DCP1B: variants seen among roughly 807,000 people sequenced by gnomAD.
DCP1B encodes the protein mRNA-decapping enzyme 1B.
In DCP1B, 47 loss-of-function variants were observed where a neutral mutation model predicts 60.5. That is an observed-to-expected ratio of 0.78 (90% confidence interval 0.61 to 0.99). The LOEUF (loss-of-function observed/expected upper bound fraction) is 0.99. Ranked by LOEUF, DCP1B falls within the 50% of genes least tolerant of loss-of-function variation. DCP1B has a pLI of 0.00. For synonymous variants in DCP1B, 267 were observed against 280.3 expected, an observed-to-expected ratio of 0.95 and a Z score of 0.47; for missense variants, 725 against 756.8, an observed-to-expected ratio of 0.96 and a Z score of 0.49.
At position 1,955,452 on chromosome 12, in the gene DCP1B, G is replaced by C; in HGVS notation, c.631C>G (p.Arg211Gly). 6.2e-7 allele frequency: 1 copy of C among 1,613,566 alleles called. No individual in the cohort carries two copies. The highest frequency in any genetic ancestry group is 8.5e-7 in the Non-Finnish European group (1 of 1,179,622). Residue 211 changes from arginine (R) to glycine (G), a missense_variant, in exon 6 of 9, where the codon CGT becomes GGT. Physicochemically the swap from Arg to Gly is moderately radical, Grantham distance 125. Coordinates refer to ENST00000280665, the MANE Select transcript of DCP1B (RefSeq NM_152640.5). ...PVKPSENQQQ[R>G]IPQPNQTLDP... ...CGTACCTGGTTGGGCTGAGGTATAC[G>C]CTGTTGCTGGTTTTCACTGGGTTTC...
downstream of DCP1B, among the ~76,000 whole-genome samples, chr12:1,944,991 C>T (rs531907301): frequency 3.9e-5 from 6 of 152,268 alleles, no homozygotes; most frequent in African/African-American, 1.4e-4. Flanking sequence ...TCAGAATGAA[C>T]AGGCAACCTA....
At chr12:1,977,465 C>G (rs1395828278) in intron 3 of DCP1B, among the ~76,000 whole-genome samples, 1 of 152,186 alleles carries the variant, frequency 6.6e-6, no homozygotes, top group Admixed American at 6.5e-5. Context: ...GTTCCAGATG[C>G]CACACAAAAT....
intron 1 of DCP1B, among the ~76,000 whole-genome samples, chr12:2,002,847 ACTGT>A (rs1406561911): frequency 3.3e-5 from 5 of 152,174 alleles, no homozygotes; most frequent in African/African-American, 4.8e-5. Context: ...CATGGAGGAA[ACTGT>A]CTATGTTGCT....
intron 7 of DCP1B, among the ~76,000 whole-genome samples, chr12:1,951,117 T>G (rs1396658685): frequency 6.6e-6 from 1 of 151,736 alleles, no homozygotes; most frequent in Non-Finnish European, 1.5e-5. Flanking sequence ...ACTAAAAAAA[T>G]ACAAAAAATT....
chr12:1,971,908 A>G lies in DCP1B; in HGVS notation c.320-3998T>C, dbSNP rs139386324. On this transcript the variant is annotated intron_variant, in intron 3 of 8. Coordinates refer to ENST00000280665, the MANE Select transcript of DCP1B (RefSeq NM_152640.5). The surrounding 1 kb of genome is among the most constrained non-coding windows in gnomAD (Gnocchi z 4.2). The stretch of plus-strand genomic sequence containing the variant: ...CATGAATGATAGCTTGTAATCGTCT[A>G]ATGAGGACATGTGATAATGTTTGTG... Among the ~76,000 whole-genome samples, 43 of 152,374 alleles carry G rather than the reference A, an allele frequency of 2.8e-4. No individual in the cohort carries two copies. The East Asian group carries it at 8.1e-3, about 29-fold the overall frequency.
rs1158651585 is a variant in DCP1B, at chr12:1,952,636, G to C, written c.1304C>G (p.Pro435Arg). 1 of 1,614,182 alleles carries C rather than the reference G, an allele frequency of 6.2e-7. No individual in the cohort carries two copies. Among genetic ancestry groups the C allele is most frequent in the Non-Finnish European group, 8.5e-7 (1 of 1,180,044 alleles). The change falls in exon 7 of 9, where the codon CCC (proline) becomes CGC (arginine). Residue 435 changes from proline to arginine, a missense_variant. Physicochemically the swap from Pro to Arg is moderately radical, Grantham distance 103. Transcript: ENST00000280665. ...GCTGCCAGTCTGACTACCAGAGATG[G>C]GGAGTGTTTGTCTTGGGAGTGTGGA... ...EQSTLPRQTL[P>R]ISGSQTGSSG...
At chr12:1,942,114 A>T (rs952158891), downstream of DCP1B, among the ~76,000 whole-genome samples, 1 of 152,240 alleles carries the variant, frequency 6.6e-6, no homozygotes, top group African/African-American at 2.4e-5. Context: ...GCAAATGGAA[A>T]GAAGAAAAAA....
At chr12:1,990,082 C>T (rs2038964637) in intron 3 of DCP1B, among the ~76,000 whole-genome samples, 1 of 152,166 alleles carries the variant, frequency 6.6e-6, no homozygotes, top group South Asian at 2.1e-4. Flanking sequence ...CCTTGGGTCT[C>T]GAAGTTAAGG....
chr12:1,969,073 G>A (rs186639076), intron 3 of DCP1B, among the ~76,000 whole-genome samples: 32 of 152,206 alleles, frequency 2.1e-4, no homozygotes, highest in African/African-American at 7.2e-4. Context: ...GCAATATTAC[G>A]ATAGGGCAAT....
intron 3 of DCP1B, among the ~76,000 whole-genome samples, chr12:1,968,346 C>CTA (rs2154457212): frequency 6.9e-6 from 1 of 145,476 alleles, no homozygotes; most frequent in African/African-American, 2.6e-5. Context: ...GAGGGAAACT[C>CTA]TGTCTCAAAA....
In DCP1B at chr12:1,967,879, C is replaced by T. The variant is rs760941939; in HGVS notation, c.351G>A (p.Lys117=). The change falls in exon 4 of 9, where the codon AAG becomes AAA. Residue 117 remains lysine (K), a synonymous_variant. Coordinates refer to ENST00000280665, the MANE Select transcript of DCP1B (RefSeq NM_152640.5). ...LSIYGIWFYD[K]EECQRIAELM... The stretch of plus-strand genomic sequence containing the variant: ...GCTCTGCAATTCTTTGGCATTCTTC[C>T]TTATCATAAAACCAAATTCCATAGA... 1 of 1,613,042 alleles carries T rather than the reference C, an allele frequency of 6.2e-7. No homozygotes were observed. Among genetic ancestry groups the T allele is most frequent in the Admixed American group, 1.7e-5 (1 of 59,844 alleles).
At chr12:2,004,228 C>T in intron 1 of DCP1B, 54 bp downstream of exon 1, 1 of 1,603,372 alleles carries the variant, frequency 6.2e-7, no homozygotes. Flanking sequence ...AGTCTGACGC[C>T]CCCCGCCTCC....
At chr12:1,960,386 G>A (rs927231985) in intron 5 of DCP1B, among the ~76,000 whole-genome samples, 2 of 152,220 alleles carry the variant, frequency 1.3e-5, no homozygotes, top group African/African-American at 4.8e-5. Flanking sequence ...GAGGCTGGGG[G>A]TAGGAGGATT....
rs763718519 is a variant in DCP1B, at chr12:1,946,161, G to A, written c.*45C>T. On this transcript the variant is annotated 3_prime_UTR_variant, in exon 9 of 9. Coordinates refer to ENST00000280665, the MANE Select transcript of DCP1B (RefSeq NM_152640.5). ...CTCAACATGAAAGAACCTTGTGCCGGAGTTCTAGAAGGACCTTGAAAATCA... is the reference window on the plus strand; with the variant it reads ...CTCAACATGAAAGAACCTTGTGCCGAAGTTCTAGAAGGACCTTGAAAATCA... 1 of 1,403,090 alleles carries A rather than the reference G, an allele frequency of 7.1e-7. No individual in the cohort carries two copies. The highest frequency in any genetic ancestry group is 1.5e-5 in the African/African-American group (1 of 68,400). The allele number at this position is 1,403,090 out of a possible 1,614,324, so 86.9% of individuals were successfully genotyped here.
chr12:1,955,225 T>C (rs2030840344), intron 6 of DCP1B, among the ~76,000 whole-genome samples: 1 of 152,196 alleles, frequency 6.6e-6, no homozygotes, highest in Non-Finnish European at 1.5e-5. Context: ...CAGAATGTGG[T>C]ATATGCCAAA....
At chr12:1,998,399 T>TTCATTTTC (rs1189949473) in intron 1 of DCP1B, among the ~76,000 whole-genome samples, 1 of 152,192 alleles carries the variant, frequency 6.6e-6, no homozygotes, top group Non-Finnish European at 1.5e-5. Flanking sequence ...GTTTTCTGGG[T>TTCATTTTC]TCATTTTCTC....
chr12:1,984,263 C>T (rs771594140), intron 3 of DCP1B, among the ~76,000 whole-genome samples: 9 of 151,872 alleles, frequency 5.9e-5, no homozygotes, highest in Non-Finnish European at 1.0e-4. Flanking sequence ...GTAGGTCTAC[C>T]GTTTTATTTT....
chr12:1,967,834 T>C lies in DCP1B; in HGVS notation c.386+10A>G. The C allele has an allele frequency of 1.2e-6, 2 of 1,610,242 alleles. No individual in the cohort carries two copies. The highest frequency in any genetic ancestry group is 1.7e-6 in the Non-Finnish European group (2 of 1,178,300). ...AGGTCCTGAAAAATATTTAGCCTTT[T>C]AGTACTTACTTTTTCATAAGCTCTG... On this transcript the variant is annotated intron_variant, in intron 4 of 8. Transcript: ENST00000280665.
At chr12:1,957,193 A>G (rs1017087179) in intron 5 of DCP1B, among the ~76,000 whole-genome samples, 1 of 152,242 alleles carries the variant, frequency 6.6e-6, no homozygotes, top group Non-Finnish European at 1.5e-5. Context: ...GGGGAAAAAC[A>G]GTTTTTGAAA....
Sources: gnomAD v4.1 joint callset for allele counts (sites outside exome capture counted in the v4.1 genomes callset) on GRCh38, gnomAD v4.1.1 for gene constraint, Gnocchi (gnomAD v3.1) non-coding constraint, MANE v1.5 for transcripts, NCBI Gene and HGNC (gene_info 2026-07-23, HGNC 2026-07-21) for gene names.